The following ZDHHC11B variants were observed in gnomAD, a reference collection of about 807,000 sequenced individuals.
ZDHHC11B encodes probable palmitoyltransferase ZDHHC11B.
ZDHHC11B carries 17 observed loss-of-function variants against 42.3 expected under a neutral mutation model. The ratio of observed to expected loss-of-function variants is 0.40; its 90% CI spans 0.27 to 0.60. The LOEUF (loss-of-function observed/expected upper bound fraction) is 0.60, where lower values mean the gene tolerates loss of function less well. Among genes scored for constraint, ZDHHC11B ranks in the 20% least tolerant of loss-of-function variants. The pLI, the probability that ZDHHC11B is intolerant of heterozygous loss-of-function variation, is 0.41. For synonymous variants in ZDHHC11B, 123 were observed against 193.5 expected, an observed-to-expected ratio of 0.64 and a Z score of 3.02; for missense variants, 262 against 463.2, an observed-to-expected ratio of 0.57 and a Z score of 3.99.
At chr5:749,537 G>A (rs1279278635) in intron 7 of ZDHHC11B, among the ~76,000 whole-genome samples, 4 of 129,884 alleles carry the variant, frequency 3.1e-5, no homozygotes, top group Non-Finnish European at 6.8e-5. Flanking sequence ...GCCCCCCTTA[G>A]CCAGTGACAT....
intron 7 of ZDHHC11B, among the ~76,000 whole-genome samples, chr5:750,880 C>A (rs1257899407): frequency 2.4e-5 from 3 of 125,148 alleles, no homozygotes; most frequent in African/African-American, 7.7e-5. Flanking sequence ...TGTCTCTCGC[C>A]TGACACGACC....
At chr5:739,141 GTAATCC>G (rs1743868892) in intron 10 of ZDHHC11B, among the ~76,000 whole-genome samples, 1 of 149,466 alleles carries the variant, frequency 6.7e-6, no homozygotes, top group African/African-American at 2.5e-5. Context: ...GCTCATGTCT[GTAATCC>G]CAGTCCTTAC....
intron 1 of ZDHHC11B, among the ~76,000 whole-genome samples, chr5:783,214 C>T (rs1224294007): frequency 1.2e-3 from 185 of 151,428 alleles, no homozygotes; most frequent in African/African-American, 4.2e-3. Context: ...CCTTCTGCAG[C>T]CGCTCCGGGA....
At chr5:718,178 T>C (rs1470296578) in intron 12 of ZDHHC11B, among the ~76,000 whole-genome samples, 2 of 151,862 alleles carry the variant, frequency 1.3e-5, no homozygotes, top group Non-Finnish European at 2.9e-5. Flanking sequence ...GGGAAGAATG[T>C]AGATAACTGT....
chr5:773,929 A>C (rs1411510549), intron 1 of ZDHHC11B, among the ~76,000 whole-genome samples: 13 of 151,894 alleles, frequency 8.6e-5, no homozygotes, highest in African/African-American at 2.9e-4. Flanking sequence ...TCTTCAAAAC[A>C]GGCTTGAAGA....
intron 6 of ZDHHC11B, among the ~76,000 whole-genome samples, chr5:754,183 T>C: frequency 1.2e-5 from 1 of 80,734 alleles, no homozygotes; most frequent in African/African-American, 5.1e-5. Context: ...GGGAAACATC[T>C]CTCGTCTATG....
chr5:730,344 T>C, intron 12 of ZDHHC11B, 90 bp downstream of exon 12: 1 of 1,413,916 alleles, frequency 7.1e-7, no homozygotes, highest in South Asian at 1.4e-5. Flanking sequence ...TATTTGAACA[T>C]GTTAAATAGA....
At chr5:731,068 G>C (rs1291565867) in intron 11 of ZDHHC11B, among the ~76,000 whole-genome samples, 1 of 151,840 alleles carries the variant, frequency 6.6e-6, no homozygotes, top group African/African-American at 2.4e-5. Flanking sequence ...GTTGTTCTCA[G>C]TGCTCTTGGT....
chr5:781,394 G>A (rs1422323148), intron 1 of ZDHHC11B, among the ~76,000 whole-genome samples: 3 of 2,728 alleles, frequency 1.1e-3, no homozygotes, highest in East Asian at 7.6e-3. Context: ...TGGCAGGTGC[G>A]GCTGTTGGTG....
chr5:728,183 A>G (rs534687730), intron 12 of ZDHHC11B, among the ~76,000 whole-genome samples: 1 of 152,068 alleles, frequency 6.6e-6, no homozygotes, highest in Non-Finnish European at 1.5e-5. Flanking sequence ...CATTAGTAAT[A>G]AGGAAAATGC....
chr5:773,340 G>A (rs1736208878), intron 1 of ZDHHC11B, among the ~76,000 whole-genome samples: 1 of 151,816 alleles, frequency 6.6e-6, no homozygotes, highest in Non-Finnish European at 1.5e-5. Context: ...TTCCCCCAGA[G>A]GCTCTGCTCT....
intron 1 of ZDHHC11B, among the ~76,000 whole-genome samples, chr5:777,104 A>C (rs888193553): frequency 1.3e-5 from 2 of 151,902 alleles, no homozygotes; most frequent in Non-Finnish European, 2.9e-5. Flanking sequence ...TGAGTGTCAC[A>C]GTTCTTAAAG....
chr5:776,326 T>A (rs1261131091), intron 1 of ZDHHC11B, among the ~76,000 whole-genome samples: 1 of 151,824 alleles, frequency 6.6e-6, no homozygotes, highest in African/African-American at 2.4e-5. Flanking sequence ...GGATGGCCCC[T>A]CTGCAACGCC....
At chr5:719,269 T>C (rs910961805) in intron 12 of ZDHHC11B, among the ~76,000 whole-genome samples, 1 of 151,506 alleles carries the variant, frequency 6.6e-6, no homozygotes, top group African/African-American at 2.4e-5. Flanking sequence ...AAAGAACATA[T>C]AAAGAAATAG....
chr5:779,282 A>G (rs1465230210), intron 1 of ZDHHC11B, among the ~76,000 whole-genome samples: 2 of 149,788 alleles, frequency 1.3e-5, no homozygotes, highest in African/African-American at 2.5e-5. Context: ...TCTGGTCTCC[A>G]GGATGATGGG....
At chr5:739,996 A>C (rs1743990587) in intron 10 of ZDHHC11B, among the ~76,000 whole-genome samples, 2 of 152,056 alleles carry the variant, frequency 1.3e-5, no homozygotes, top group African/African-American at 4.8e-5. Context: ...ATGGAGTTGC[A>C]GACCATTATT....
chr5:777,065 G>A (rs546639731), intron 1 of ZDHHC11B, among the ~76,000 whole-genome samples: 54 of 151,940 alleles, frequency 3.6e-4, no homozygotes, highest in African/African-American at 1.2e-3. Flanking sequence ...TCTCGCTGAC[G>A]TCAGGAATGA....
intron 12 of ZDHHC11B, among the ~76,000 whole-genome samples, chr5:722,680 C>T (rs1171242376): frequency 6.6e-6 from 1 of 151,598 alleles, no homozygotes; most frequent in Non-Finnish European, 1.5e-5. Flanking sequence ...ATGGTTGCAC[C>T]TGTACAACAG....
chr5:724,255 G>A (rs1285823658), intron 12 of ZDHHC11B, among the ~76,000 whole-genome samples: 2 of 149,710 alleles, frequency 1.3e-5, no homozygotes, highest in Non-Finnish European at 3.0e-5. Context: ...ACCCAGGCTG[G>A]AGTGCAGTGG....
Sources: allele counts gnomAD v4.1 joint callset (sites outside exome capture counted in the v4.1 genomes callset), GRCh38; gene constraint gnomAD v4.1.1; transcripts MANE v1.5; gene names NCBI Gene and HGNC (gene_info 2026-07-23, HGNC 2026-07-21).